Variants in BCL2L1 observed in about 807,000 individuals in gnomAD.
BCL2L1 encodes BCL2 like 1.
Under a neutral mutation model 18.7 loss-of-function variants are expected in BCL2L1, and 1 was observed. The observed-to-expected ratio is 0.05, with a 90% CI of 0.02 to 0.25. The LOEUF (loss-of-function observed/expected upper bound fraction) is 0.25, where lower values mean the gene tolerates loss of function less well. Ranked by LOEUF, BCL2L1 falls within the 10% of genes least tolerant of loss-of-function variation. BCL2L1 has a pLI of 1.00. For missense variants in BCL2L1, 207 were observed against 304.9 expected (o/e 0.68, Z 2.39); for synonymous variants, 103 against 122.7 (o/e 0.84, Z 1.06).
intron 2 of BCL2L1, among the ~76,000 whole-genome samples, chr20:31,719,328 T>A (rs746078107): frequency 1.3e-5 from 2 of 152,126 alleles, no homozygotes; most frequent in Admixed American, 1.3e-4. Context: ...CTGAGTAGAA[T>A]AGCCCATAAC....
At chr20:31,699,282 G>A (rs1444067817) in intron 2 of BCL2L1, among the ~76,000 whole-genome samples, 1 of 152,220 alleles carries the variant, frequency 6.6e-6, no homozygotes, top group Non-Finnish European at 1.5e-5. Context: ...ATTCTGAAGA[G>A]ACTTGCAGAG....
chr20:31,692,941 G>A (rs1436048199), intron 2 of BCL2L1, among the ~76,000 whole-genome samples: 6 of 149,508 alleles, frequency 4.0e-5, no homozygotes, highest in Non-Finnish European at 8.9e-5. Context: ...GTGTGGTGGC[G>A]TGCGCCTGTA....
intron 2 of BCL2L1, among the ~76,000 whole-genome samples, chr20:31,688,457 A>AAG (rs1336592631): frequency 1.3e-5 from 2 of 151,546 alleles, no homozygotes; most frequent in Non-Finnish European, 2.9e-5. Flanking sequence ...AAAAAAAAAA[A>AAG]AAAGAAAGAA....
intron 2 of BCL2L1, among the ~76,000 whole-genome samples, chr20:31,700,500 T>G (rs2061258614): frequency 6.6e-6 from 1 of 152,198 alleles, no homozygotes; most frequent in Non-Finnish European, 1.5e-5. Flanking sequence ...AGCTGACCTT[T>G]TTGGCTTTAT....
In BCL2L1 at chr20:31,708,234, G is replaced by A. The variant is rs547071314; in HGVS notation, c.564+13421C>T. ...ACCAACCCTCTAGAGAGAAACAGAA[G>A]GGGGCAAGGGCATGGGAGTATTTTC... On this transcript the variant is annotated intron_variant, in intron 2 of 2. Transcript: ENST00000307677. 5.9e-5 allele frequency among the ~76,000 whole-genome samples: 9 copies of A among 152,332 alleles called. No individual in the cohort carries two copies. In the South Asian group the frequency reaches 1.7e-3, roughly 28 times the overall value.
chr20:31,713,343 A>C (rs2061481109), intron 2 of BCL2L1: 1 of 985,250 alleles, frequency 1.0e-6, no homozygotes, highest in Admixed American at 6.1e-5. Flanking sequence ...TAGGGAGCAA[A>C]GAAAGTAATG....
chr20:31,704,358 C>T (rs2061338247), intron 2 of BCL2L1, among the ~76,000 whole-genome samples: 1 of 152,128 alleles, frequency 6.6e-6, no homozygotes, highest in Admixed American at 6.5e-5. Context: ...CCTCGGCCTC[C>T]CAAAGTGCTG....
At chr20:31,719,101 G>A (rs534499064) in intron 2 of BCL2L1, among the ~76,000 whole-genome samples, 5 of 152,318 alleles carry the variant, frequency 3.3e-5, no homozygotes, top group African/African-American at 1.2e-4. Flanking sequence ...GAAGGTTACT[G>A]TAGAATATAT....
intron 2 of BCL2L1, among the ~76,000 whole-genome samples, chr20:31,677,629 C>T (rs1025602215): frequency 1.3e-5 from 2 of 152,174 alleles, no homozygotes; most frequent in East Asian, 1.9e-4. Flanking sequence ...GCTTGTGTCT[C>T]GGAGCCTTCT....
intron 2 of BCL2L1, among the ~76,000 whole-genome samples, chr20:31,715,215 T>C (rs1385569044): frequency 6.8e-6 from 1 of 146,822 alleles, no homozygotes; most frequent in Non-Finnish European, 1.5e-5. Context: ...CAGCTTGCAG[T>C]GAGCAGAGAT....
At chr20:31,717,729 G>A (rs1438787665) in intron 2 of BCL2L1, among the ~76,000 whole-genome samples, 1 of 152,198 alleles carries the variant, frequency 6.6e-6, no homozygotes, top group East Asian at 1.9e-4. Context: ...TAGGCAATAA[G>A]AGATCTACAG....
intron 2 of BCL2L1, among the ~76,000 whole-genome samples, chr20:31,708,830 G>C (rs1297785313): frequency 2.0e-5 from 3 of 152,132 alleles, no homozygotes; most frequent in African/African-American, 7.2e-5. Context: ...GGCCTACCTA[G>C]GGTACCCTTC....
intron 2 of BCL2L1, among the ~76,000 whole-genome samples, chr20:31,693,376 G>C (rs1010253064): frequency 6.6e-6 from 1 of 151,892 alleles, no homozygotes; most frequent in Non-Finnish European, 1.5e-5. Context: ...TGAGCCCAGA[G>C]GTTTGAGGCT....
intron 2 of BCL2L1, among the ~76,000 whole-genome samples, chr20:31,702,560 G>C (rs73613728): frequency 2.0e-5 from 3 of 151,576 alleles, no homozygotes; most frequent in Admixed American, 6.6e-5. Flanking sequence ...GTTGCCCAGG[G>C]TGGAGTGCAA....
chr20:31,674,996 C>T lies in BCL2L1; in HGVS notation c.565-8910G>A, dbSNP rs1391743292. Among the ~76,000 whole-genome samples the T allele has an allele frequency of 2.0e-5, 3 of 152,212 alleles. No individual in the cohort carries two copies. The East Asian group carries it at 5.8e-4, about 29-fold the overall frequency. Reference sequence around the variant, plus strand: ...CAAGGAGGGTAAAGTAGCCTGAGGCCATCAGCTGAATGAATAAGCACTGGC... The same window carrying T: ...CAAGGAGGGTAAAGTAGCCTGAGGCTATCAGCTGAATGAATAAGCACTGGC... On this transcript the variant is annotated intron_variant, in intron 2 of 2. Transcript: ENST00000307677.
Position 31,722,805 on chromosome 20 carries a change from C to G in BCL2L1, c.-318G>C, listed in dbSNP as rs2061658830. The G allele has an allele frequency of 1.3e-5, 2 of 152,234 alleles. 1 individual carries two copies. The highest frequency in any genetic ancestry group is 4.1e-4 in the South Asian group (2 of 4,832). The allele number at this position is 152,234 out of a possible 1,614,324, so 9.4% of individuals were successfully genotyped here. A position where few individuals can be genotyped will look rare whatever the true frequency, so the allele number is the denominator to read the frequency against. On this transcript the variant is annotated 5_prime_UTR_variant, in exon 1 of 3. Coordinates refer to ENST00000307677, the MANE Select transcript of BCL2L1 (RefSeq NM_138578.3). ...CAGGCTGGGAGCCCAGAAGGCGACACAGGAATTGCGAAGCTCAGGAACCAG... is the reference window on the plus strand; with the variant it reads ...CAGGCTGGGAGCCCAGAAGGCGACAGAGGAATTGCGAAGCTCAGGAACCAG...
chr20:31,695,792 T>C (rs1478730177), intron 2 of BCL2L1, among the ~76,000 whole-genome samples: 1 of 152,132 alleles, frequency 6.6e-6, no homozygotes, highest in Non-Finnish European at 1.5e-5. Context: ...ACAACACTAT[T>C]CCCCCATATA....
intron 2 of BCL2L1, among the ~76,000 whole-genome samples, chr20:31,674,854 G>T (rs1290692135): frequency 7.5e-6 from 1 of 133,228 alleles, no homozygotes; most frequent in Admixed American, 8.2e-5. Flanking sequence ...CAGCCAGGGC[G>T]ACAGAATGAG....
chr20:31,689,835 G>A (rs2061030340), intron 2 of BCL2L1, among the ~76,000 whole-genome samples: 1 of 152,178 alleles, frequency 6.6e-6, no homozygotes, highest in African/African-American at 2.4e-5. Flanking sequence ...GACCAACATG[G>A]AGAAATCCTG....
Sources: gnomAD v4.1 joint callset for allele counts (sites outside exome capture counted in the v4.1 genomes callset) on GRCh38, gnomAD v4.1.1 for gene constraint, MANE v1.5 for transcripts, NCBI Gene and HGNC (gene_info 2026-07-23, HGNC 2026-07-21) for gene names.